PCDHGA7: variants seen among roughly 807,000 people sequenced by gnomAD.
The protein encoded by PCDHGA7 is protocadherin gamma subfamily A, 7, also known as protocadherin gamma-A7.
A neutral mutation model predicts 58.3 loss-of-function variants in PCDHGA7; 44 were observed. That is an observed-to-expected ratio of 0.75 (90% CI 0.59 to 0.97). PCDHGA7 has a LOEUF of 0.97. PCDHGA7 is among the 50% of genes least tolerant of loss of function. The pLI, the probability that PCDHGA7 is intolerant of heterozygous loss-of-function variation, is 0.00. For synonymous variants in PCDHGA7, 516 were observed against 504.2 expected (o/e 1.02, Z -0.31); for missense variants, 1,266 against 1,188.7 (o/e 1.06, Z -0.96).
rs370533196 is a variant in PCDHGA7 at position 141,384,337 on chromosome 5, G to A, written c.1438G>A (p.Asp480Asn). 1 of 1,613,832 alleles carries A rather than the reference G, an allele frequency of 6.2e-7. No individual in the cohort carries two copies. The highest frequency in any genetic ancestry group is 8.5e-7 in the Non-Finnish European group (1 of 1,179,882). ...SIFLVTAQDH[D>N]SEDNAQITYS... The stretch of plus-strand genomic sequence containing the variant: ...TTTCTTAGTGACTGCACAGGACCAC[G>A]ACAGTGAGGATAATGCCCAGATCAC... The change falls in exon 1 of 4, where the codon GAC becomes AAC. Residue 480 changes from aspartate to asparagine, a missense_variant. By Grantham distance (23) the Asp-to-Asn change is conservative. Transcript: ENST00000518325.
rs1330257915 is a variant in PCDHGA7 at position 141,486,153 on chromosome 5, C to T, written c.2425-8654C>T. Reference sequence around the variant, plus strand: ...GATGTGCGGGCTCGCGATGGGGGTTCTCCAGCCATGGAGCAACATTGCAGC... The same window carrying T: ...GATGTGCGGGCTCGCGATGGGGGTTTTCCAGCCATGGAGCAACATTGCAGC... On this transcript the variant is annotated intron_variant, in intron 1 of 3. Transcript: ENST00000518325. This position sits in a 1 kb window ranked among gnomAD's most constrained non-coding sequence, Gnocchi z 5.0. 1 of 1,614,084 alleles carries T rather than the reference C, an allele frequency of 6.2e-7. No homozygotes were observed. Among genetic ancestry groups the T allele is most frequent in the Non-Finnish European group, 8.5e-7 (1 of 1,180,036 alleles).
chr5:141,422,996 C>G lies in PCDHGA7; in HGVS notation c.2424+37673C>G. 1.2e-6 allele frequency: 2 copies of G among 1,614,224 alleles called. No homozygotes were observed. The highest frequency in any genetic ancestry group is 1.7e-6 in the Non-Finnish European group (2 of 1,180,046). On this transcript the variant is annotated intron_variant, in intron 1 of 3. Coordinates refer to ENST00000518325, the MANE Select transcript of PCDHGA7 (RefSeq NM_018920.4). ...TCTGCGGAACCTGGCTACCTGGTGA[C>G]CAAGGTGGTTGCGGTGGACAAAGAT...
chr5:141,388,930 C>G, intron 1 of PCDHGA7: 1 of 1,614,002 alleles, frequency 6.2e-7, no homozygotes, highest in South Asian at 1.1e-5. Flanking sequence ...ATATTCCAGT[C>G]TCTACCCAAC....
At chr5:141,481,813 G>A (rs185558948) in intron 1 of PCDHGA7, among the ~76,000 whole-genome samples, 15 of 151,942 alleles carry the variant, frequency 9.9e-5, no homozygotes, top group East Asian at 7.8e-4. Context: ...TTCACCAGGC[G>A]TGGTGGCTGA....
At chr5:141,403,836 A>G (rs370798833) in intron 1 of PCDHGA7, 8 of 1,613,670 alleles carry the variant, frequency 5.0e-6, no homozygotes, top group African/African-American at 1.3e-5. Context: ...TTCCAGCTTA[A>G]TGAAAATACT....
Position 141,491,797 on chromosome 5 carries a change from G to C in PCDHGA7, c.2425-3010G>C, listed in dbSNP as rs537755017. The C allele has an allele frequency of 7.9e-5, 119 of 1,506,700 alleles. No homozygotes were observed. In the Admixed American group the frequency reaches 1.4e-3, roughly 18 times the overall value. 93.3% of individuals were successfully genotyped at this position (1,506,700 alleles called of 1,614,324 possible). On this transcript the variant is annotated intron_variant, in intron 1 of 3. Coordinates refer to ENST00000518325, the MANE Select transcript of PCDHGA7 (RefSeq NM_018920.4). The surrounding 1 kb of genome is among the most constrained non-coding windows in gnomAD (Gnocchi z 6.9). The stretch of plus-strand genomic sequence containing the variant: ...ATTGAACTTGCATCCACTCCTCTCC[G>C]GCCGGCTTGGTCGCTGGCTGCGCTC...
chr5:141,399,797 G>A (rs760211919), intron 1 of PCDHGA7: 1 of 1,613,192 alleles, frequency 6.2e-7, no homozygotes, highest in Non-Finnish European at 8.5e-7. Context: ...AACGCACCGC[G>A]GGTGCTGTAC....
At chr5:141,398,730 C>T (rs200411955) in intron 1 of PCDHGA7, 568 of 1,613,656 alleles carry the variant, frequency 3.5e-4, no homozygotes, top group Non-Finnish European at 4.6e-4. Context: ...AAACCTTAGA[C>T]CGGGAACAAC....
At chr5:141,400,685 T>G in intron 1 of PCDHGA7, 1 of 827,408 alleles carries the variant, frequency 1.2e-6, no homozygotes, top group South Asian at 1.8e-5. Context: ...AAATTGTGAG[T>G]TTTTATGTCG....
intron 1 of PCDHGA7, chr5:141,428,862 T>TC (rs1345604550): frequency 2.7e-5 from 2 of 74,856 alleles, no homozygotes; most frequent in African/African-American, 2.0e-4. Flanking sequence ...ACGGGAGACT[T>TC]TTTTTTTTTT....
rs762979829 is a variant in PCDHGA7, at chr5:141,432,863, T to A, written c.2424+47540T>A. 1 of 1,614,074 alleles carries A rather than the reference T, an allele frequency of 6.2e-7. No individual in the cohort carries two copies. Among genetic ancestry groups the A allele is most frequent in the East Asian group, 2.2e-5 (1 of 44,886 alleles). On this transcript the variant is annotated intron_variant, in intron 1 of 3. Coordinates refer to ENST00000518325, the MANE Select transcript of PCDHGA7 (RefSeq NM_018920.4). The surrounding 1 kb of genome is among the most constrained non-coding windows in gnomAD (Gnocchi z 6.0). ...GGTGGTAGCGGTGGCCGCGGTCTCCTGCGTCTTCCTGGCCTTCGTCATCTT... is the reference window on the plus strand; with the variant it reads ...GGTGGTAGCGGTGGCCGCGGTCTCCAGCGTCTTCCTGGCCTTCGTCATCTT...
intron 1 of PCDHGA7, among the ~76,000 whole-genome samples, chr5:141,406,857 A>T (rs1377435171): frequency 2.0e-5 from 3 of 152,244 alleles, no homozygotes; most frequent in Admixed American, 2.0e-4. Flanking sequence ...TTAAGAAAAT[A>T]TTCTCAGGAA....
At chr5:141,454,977 T>C (rs1357011192) in intron 1 of PCDHGA7, among the ~76,000 whole-genome samples, 6 of 151,508 alleles carry the variant, frequency 4.0e-5, no homozygotes, top group Non-Finnish European at 8.8e-5. Context: ...CTGGCTAATT[T>C]TTTAAAAAAT....
In PCDHGA7 at chr5:141,385,045, C is replaced by A; in HGVS notation, c.2146C>A (p.Leu716Met). 6.2e-7 allele frequency: 1 copy of A among 1,614,178 alleles called. No individual in the cohort carries two copies. The highest frequency in any genetic ancestry group is 8.5e-7 in the Non-Finnish European group (1 of 1,180,046). Reference protein sequence around the residue: ...AFVLVLLALRLRRWHKSRLLQ... With the variant: ...AFVLVLLALRMRRWHKSRLLQ... ...CGTCCTCGTACTGCTGGCGCTCAGG[C>A]TGCGGCGCTGGCACAAGTCACGCCT... The change falls in exon 1 of 4, where the codon CTG becomes ATG. Residue 716 changes from leucine (L) to methionine (M), a missense_variant. Physicochemically the swap from Leu to Met is conservative, Grantham distance 15. Coordinates refer to ENST00000518325, the MANE Select transcript of PCDHGA7 (RefSeq NM_018920.4).
chr5:141,400,473 G>T (rs1196529035), intron 1 of PCDHGA7: 1 of 1,613,946 alleles, frequency 6.2e-7, no homozygotes, highest in Non-Finnish European at 8.5e-7. Context: ...ATTCATCTGG[G>T]GCCTTATTTC....
At position 141,508,909 on chromosome 5, in the gene PCDHGA7, G is replaced by A. The variant is rs545345992; in HGVS notation, c.2573-2038G>A. ...GAGGGGAGGGGGCGGGGCGGTGGCG[G>A]ATCTGGCTTCCTTTTGGAGTTAATT... is the stretch of plus-strand genomic sequence containing the variant. On this transcript the variant is annotated intron_variant, in intron 3 of 3. Coordinates refer to ENST00000518325, the MANE Select transcript of PCDHGA7 (RefSeq NM_018920.4). 2.0e-5 allele frequency among the ~76,000 whole-genome samples: 3 copies of A among 152,202 alleles called. No homozygotes were observed. The South Asian group carries it at 6.2e-4, about 32-fold the overall frequency.
At position 141,405,002 on chromosome 5, in the gene PCDHGA7, C is replaced by T. The variant is rs2154535993; in HGVS notation, c.2424+19679C>T. ...GGGCAGTCTTCAGATCCCTGCAGAC[C>T]TGGAGGCCTCAGACCTTACCCTCTA... is the stretch of plus-strand genomic sequence containing the variant. On this transcript the variant is annotated intron_variant, in intron 1 of 3. Transcript: ENST00000518325. The T allele has an allele frequency of 1.9e-6, 3 of 1,613,870 alleles. No homozygotes were observed. In the East Asian group the frequency reaches 6.7e-5, roughly 36 times the overall value.
chr5:141,389,863 TG>T, intron 1 of PCDHGA7: 2 of 1,614,064 alleles, frequency 1.2e-6, no homozygotes, highest in Non-Finnish European at 1.7e-6. Context: ...ACGTTGCACC[TG>T]GTCTTCGCCG....
Position 141,432,110 on chromosome 5 carries a change from G to A in PCDHGA7, c.2424+46787G>A. On this transcript the variant is annotated intron_variant, in intron 1 of 3. Coordinates refer to ENST00000518325, the MANE Select transcript of PCDHGA7 (RefSeq NM_018920.4). This position sits in a 1 kb window ranked among gnomAD's most constrained non-coding sequence, Gnocchi z 6.0. ...GGCAGACACCAACGACAACCCGCCG[G>A]TCTTCCCTCAGGCCTCCTATTCCGC... 6.2e-7 allele frequency: 1 copy of A among 1,614,108 alleles called. No individual in the cohort carries two copies. Among genetic ancestry groups the A allele is most frequent in the Non-Finnish European group, 8.5e-7 (1 of 1,180,036 alleles).
Sources: gnomAD v4.1 joint callset for allele counts (sites outside exome capture counted in the v4.1 genomes callset) on GRCh38, gnomAD v4.1.1 for gene constraint, Gnocchi (gnomAD v3.1) non-coding constraint, MANE v1.5 for transcripts, NCBI Gene and HGNC (gene_info 2026-07-23, HGNC 2026-07-21) for gene names.